The following CNNM2 variants were observed in gnomAD, a reference collection of about 807,000 sequenced individuals.
CNNM2 encodes the protein metal transporter CNNM2.
In CNNM2, 12 loss-of-function variants were observed where a neutral mutation model predicts 66.9. The ratio of observed to expected loss-of-function variants is 0.18; its 90% CI spans 0.11 to 0.29. The LOEUF is 0.29. Among genes scored for constraint, CNNM2 ranks in the 10% least tolerant of loss-of-function variants. The probability of loss-of-function intolerance (pLI) is 1.00; values close to 1 mark genes in which losing one functional copy is unlikely to be tolerated. For synonymous variants in CNNM2, 557 were observed against 501.8 expected, an observed-to-expected ratio of 1.11 and a Z score of -1.47; for missense variants, 705 against 1,167.7, an observed-to-expected ratio of 0.60 and a Z score of 5.77.
intron 1 of CNNM2, among the ~76,000 whole-genome samples, chr10:103,003,643 G>T (rs992889666): frequency 2.0e-5 from 3 of 151,658 alleles, no homozygotes; most frequent in African/African-American, 7.3e-5. Flanking sequence ...GGCTAACATG[G>T]TGAAACCCTG....
rs1256187699 is a variant in CNNM2 at position 103,081,963 on chromosome 10, A to G, written c.*4783A>G. 6.6e-6 allele frequency: 1 copy of G among 152,204 alleles called. No homozygotes were observed. Among genetic ancestry groups the G allele is most frequent in the Non-Finnish European group, 1.5e-5 (1 of 68,038 alleles). The allele number at this position is 152,204 out of a possible 1,614,324, so 9.4% of individuals were successfully genotyped here. A position where few individuals can be genotyped will look rare whatever the true frequency, so the allele number is the denominator to read the frequency against. ...TTCTCTCTGTATGCTAGAGCTACTG[A>G]CATCATCTCTACTAGAATTGTTTTA... is the stretch of plus-strand genomic sequence containing the variant. On this transcript the variant is annotated 3_prime_UTR_variant, in exon 8 of 8. Transcript: ENST00000369878.
chr10:102,930,260 A>C (rs970385747), intron 1 of CNNM2, among the ~76,000 whole-genome samples: 2 of 152,228 alleles, frequency 1.3e-5, no homozygotes, highest in Non-Finnish European at 2.9e-5. Flanking sequence ...GATTATTTGC[A>C]CGGAATATAG....
At chr10:102,987,504 G>A (rs2063819413) in intron 1 of CNNM2, among the ~76,000 whole-genome samples, 1 of 152,032 alleles carries the variant, frequency 6.6e-6, no homozygotes, top group East Asian at 1.9e-4. Flanking sequence ...TGTATTTTTA[G>A]TAGAGGTGGG....
chr10:103,056,910 A>C lies in CNNM2; in HGVS notation c.2019A>C (p.Glu673Asp). The C allele has an allele frequency of 6.2e-7, 1 of 1,613,952 alleles. No individual in the cohort carries two copies. The highest frequency in any genetic ancestry group is 1.1e-5 in the South Asian group (1 of 91,076). The change falls in exon 4 of 8, where the codon GAA becomes GAC. Residue 673 changes from glutamate (E) to aspartate (D), a missense_variant. Glu to Asp is a conservative substitution (Grantham distance 45). Coordinates refer to ENST00000369878, the MANE Select transcript of CNNM2 (RefSeq NM_017649.5). ...ATGAGAAGAACAAGAAAGCCCCCGA[A>C]TACTACCTCTACCAGCGCAACAAGC... ...KYDEKNKKAPEYYLYQRNKPV... is the reference protein window; with the variant it reads ...KYDEKNKKAPDYYLYQRNKPV...
rs2065816482 is a variant in CNNM2 at position 103,086,684 on chromosome 10, G to C, written c.*9504G>C. 6.6e-6 allele frequency: 1 copy of C among 152,194 alleles called. No homozygotes were observed. Among genetic ancestry groups the C allele is most frequent in the Non-Finnish European group, 1.5e-5 (1 of 68,040 alleles). 9.4% of individuals were successfully genotyped at this position (152,194 alleles called of 1,614,324 possible). Reference sequence around the variant, plus strand: ...CTTAACAATGCTAATGTGACTTAAGGATTTGTAGTTCTATTAAAAACGACT... The same window carrying C: ...CTTAACAATGCTAATGTGACTTAAGCATTTGTAGTTCTATTAAAAACGACT... On this transcript the variant is annotated 3_prime_UTR_variant, in exon 8 of 8. Coordinates refer to ENST00000369878, the MANE Select transcript of CNNM2 (RefSeq NM_017649.5).
rs2065753342 is a variant in CNNM2 at position 103,081,040 on chromosome 10, G to A, written c.*3860G>A. On this transcript the variant is annotated 3_prime_UTR_variant, in exon 8 of 8. Transcript: ENST00000369878. Reference sequence around the variant, plus strand: ...CCAGAGTTGCCCCTGTGGTTCCCCAGGGGTGATCCTAGGCAGATGACTCAC... The same window carrying A: ...CCAGAGTTGCCCCTGTGGTTCCCCAAGGGTGATCCTAGGCAGATGACTCAC... The A allele has an allele frequency of 6.6e-6, 1 of 152,162 alleles. No homozygotes were observed. Among genetic ancestry groups the A allele is most frequent in the African/African-American group, 2.4e-5 (1 of 41,442 alleles). The allele number at this position is 152,162 out of a possible 1,614,324, so 9.4% of individuals were successfully genotyped here.
chr10:102,943,470 C>T (rs1352590765), intron 1 of CNNM2, among the ~76,000 whole-genome samples: 1 of 151,884 alleles, frequency 6.6e-6, no homozygotes, highest in African/African-American at 2.4e-5. Flanking sequence ...AAATTACATA[C>T]AAAACTGGTA....
intron 1 of CNNM2, among the ~76,000 whole-genome samples, chr10:103,008,786 A>AC (rs2064278098): frequency 6.6e-6 from 1 of 151,636 alleles, no homozygotes; most frequent in African/African-American, 2.4e-5. Context: ...CTCAAAAAAA[A>AC]AAAAAAAAAA....
At chr10:102,972,963 A>G (rs1433798287) in intron 1 of CNNM2, among the ~76,000 whole-genome samples, 1 of 152,208 alleles carries the variant, frequency 6.6e-6, no homozygotes. Flanking sequence ...TCATTGGTTG[A>G]AAGATGCACT....
intron 6 of CNNM2, among the ~76,000 whole-genome samples, chr10:103,075,780 C>A (rs2065679684): frequency 6.6e-6 from 1 of 152,238 alleles, no homozygotes; most frequent in African/African-American, 2.4e-5. Context: ...CTGAGCATCT[C>A]ACAGTACCCG....
chr10:103,083,994 A>C lies in CNNM2; in HGVS notation c.*6814A>C, dbSNP rs1055507541. On this transcript the variant is annotated 3_prime_UTR_variant, in exon 8 of 8. Coordinates refer to ENST00000369878, the MANE Select transcript of CNNM2 (RefSeq NM_017649.5). Reference sequence around the variant, plus strand: ...CAGTGGATATCCTGCATTCCCCAGTAATCGGTGTGTATGATACACGTTCTT... The same window carrying C: ...CAGTGGATATCCTGCATTCCCCAGTCATCGGTGTGTATGATACACGTTCTT... 1 of 152,132 alleles carries C rather than the reference A, an allele frequency of 6.6e-6. No individual in the cohort carries two copies. Among genetic ancestry groups the C allele is most frequent in the African/African-American group, 2.4e-5 (1 of 41,400 alleles). 9.4% of individuals were successfully genotyped at this position (152,132 alleles called of 1,614,324 possible). A position where few individuals can be genotyped will look rare whatever the true frequency, so the allele number is the denominator to read the frequency against.
At chr10:102,938,783 C>T (rs908656376) in intron 1 of CNNM2, among the ~76,000 whole-genome samples, 5 of 152,016 alleles carry the variant, frequency 3.3e-5, no homozygotes, top group Non-Finnish European at 7.4e-5. Context: ...TTAATTTTTA[C>T]TGAGTTCCTT....
chr10:103,063,131 G>A (rs752133376), intron 4 of CNNM2, among the ~76,000 whole-genome samples: 2 of 152,232 alleles, frequency 1.3e-5, no homozygotes, highest in Non-Finnish European at 1.5e-5. Context: ...TCCAAAATGT[G>A]TCTAAATTAA....
At chr10:102,969,965 A>G (rs1296889563) in intron 1 of CNNM2, among the ~76,000 whole-genome samples, 2 of 152,150 alleles carry the variant, frequency 1.3e-5, no homozygotes, top group Non-Finnish European at 2.9e-5. Flanking sequence ...TTTTTTCTAA[A>G]GCTCTTGAAA....
Position 103,054,376 on chromosome 10 carries a change from G to A in CNNM2, c.1813G>A (p.Asp605Asn). 6.2e-7 allele frequency: 1 copy of A among 1,613,810 alleles called. No individual in the cohort carries two copies. Among genetic ancestry groups the A allele is most frequent in the Non-Finnish European group, 8.5e-7 (1 of 1,179,866 alleles). ...KKVAHRERKQ[D>N]FSAFKQTDSE... Reference sequence around the variant, plus strand: ...AGTGGCTCACCGGGAACGAAAGCAAGATTTTTCTGCCTTTAAGCAGACAGA... The same window carrying A: ...AGTGGCTCACCGGGAACGAAAGCAAAATTTTTCTGCCTTTAAGCAGACAGA... Residue 605 changes from aspartate to asparagine, a missense_variant, in exon 3 of 8, where the codon GAT (aspartate) becomes AAT (asparagine). Asp to Asn is a conservative substitution (Grantham distance 23, BLOSUM62 1). Transcript: ENST00000369878. This position sits in a 1 kb window ranked among gnomAD's most constrained non-coding sequence, Gnocchi z 5.2.
At chr10:103,001,753 C>T (rs898200249) in intron 1 of CNNM2, among the ~76,000 whole-genome samples, 2 of 152,098 alleles carry the variant, frequency 1.3e-5, no homozygotes, top group African/African-American at 4.8e-5. Context: ...CCTGTAATTC[C>T]AGCACTTTGG....
Position 102,920,009 on chromosome 10 carries a change from C to T in CNNM2, c.1529C>T (p.Pro510Leu). 1 of 1,614,204 alleles carries T rather than the reference C, an allele frequency of 6.2e-7. No individual in the cohort carries two copies. Among genetic ancestry groups the T allele is most frequent in the Non-Finnish European group, 8.5e-7 (1 of 1,180,036 alleles). Residue 510 changes from proline to leucine, a missense_variant, in exon 1 of 8, where the codon CCC (proline) becomes CTC (leucine). By Grantham distance (98) the Pro-to-Leu change is moderately conservative. Transcript: ENST00000369878. ...LAFVDPDDCT[P>L]LKTITKFYNH... The stretch of plus-strand genomic sequence containing the variant: ...TTCGTGGATCCCGATGACTGTACCC[C>T]CCTGAAAACCATCACCAAATTTTAT...
chr10:102,954,132 T>C (rs954530865), intron 1 of CNNM2, among the ~76,000 whole-genome samples: 4 of 128,674 alleles, frequency 3.1e-5, no homozygotes, highest in Admixed American at 8.0e-5. Context: ...TTTTCTTTTT[T>C]TTTTTTTTTT....
chr10:103,032,493 CAG>C lies in CNNM2; in HGVS notation c.1622-17213_1622-17212del, dbSNP rs146748241. Among the ~76,000 whole-genome samples the C allele has an allele frequency of 0.094, 14,271 of 152,006 alleles. 871 individuals are homozygous for C. Among genetic ancestry groups the C allele is most frequent in the East Asian group, 0.28 (1,429 of 5,168 alleles). Reference sequence around the variant, plus strand: ...TACCCTGTAGAATGCAAATTTTTAACAGTACTGCAAATTTCATCCAGAATGCC... The same window carrying C: ...TACCCTGTAGAATGCAAATTTTTAACTACTGCAAATTTCATCCAGAATGCC... On this transcript the variant is annotated intron_variant, in intron 1 of 7. Coordinates refer to ENST00000369878, the MANE Select transcript of CNNM2 (RefSeq NM_017649.5).
Sources: allele counts gnomAD v4.1 joint callset (sites outside exome capture counted in the v4.1 genomes callset), GRCh38; gene constraint gnomAD v4.1.1; non-coding constraint Gnocchi (gnomAD v3.1); transcripts MANE v1.5; gene names NCBI Gene and HGNC (gene_info 2026-07-23, HGNC 2026-07-21).